Variants in PEBP4 observed in about 807,000 individuals in gnomAD.
PEBP4 encodes phosphatidylethanolamine-binding protein 4.
Under a neutral mutation model 23.9 loss-of-function variants are expected in PEBP4, and 22 were observed. The observed-to-expected ratio is 0.92, with a 90% CI of 0.66 to 1.31. PEBP4 has a LOEUF of 1.31. Ranked by LOEUF, PEBP4 falls within the 40% of genes most tolerant of loss-of-function variation. The pLI is 0.00. For synonymous variants in PEBP4, 112 were observed against 99.3 expected, an observed-to-expected ratio of 1.13 and a Z score of -0.76; for missense variants, 324 against 281.7, an observed-to-expected ratio of 1.15 and a Z score of -1.07.
intron 4 of PEBP4, among the ~76,000 whole-genome samples, chr8:22,779,848 G>A (rs767536836): frequency 6.6e-6 from 1 of 152,190 alleles, no homozygotes. Flanking sequence ...TCACATGGGC[G>A]ACTTAGCTTG....
Position 22,898,535 on chromosome 8 carries a change from T to C in PEBP4, c.258+21649A>G, listed in dbSNP as rs916500362. ...GCCAGCCATCAGTGGCTCAATCTAA[T>C]ACTCAGGTTCTCAATCAAAGTGCTC... On this transcript the variant is annotated intron_variant, in intron 3 of 6. Transcript: ENST00000256404. 2.7e-5 allele frequency among the ~76,000 whole-genome samples: 4 copies of C among 148,662 alleles called. No homozygotes were observed. In the Admixed American group the frequency reaches 2.7e-4, roughly 10 times the overall value.
At chr8:22,911,618 C>G (rs1808940173) in intron 3 of PEBP4, among the ~76,000 whole-genome samples, 1 of 152,196 alleles carries the variant, frequency 6.6e-6, no homozygotes, top group Non-Finnish European at 1.5e-5. Flanking sequence ...GGCAACAAGT[C>G]CCTGTAGCAT....
At chr8:22,754,346 A>G (rs1178302799) in intron 4 of PEBP4, among the ~76,000 whole-genome samples, 1 of 152,238 alleles carries the variant, frequency 6.6e-6, no homozygotes, top group Admixed American at 6.5e-5. Context: ...TCTGTGACTG[A>G]ATCCTCACTC....
chr8:22,858,144 A>G (rs1271702288), intron 3 of PEBP4, among the ~76,000 whole-genome samples: 1 of 152,232 alleles, frequency 6.6e-6, no homozygotes, highest in Admixed American at 6.5e-5. Flanking sequence ...GGATAGCTTC[A>G]GCAGCACCCA....
chr8:22,888,526 C>A (rs979163072), intron 3 of PEBP4, among the ~76,000 whole-genome samples: 6 of 152,146 alleles, frequency 3.9e-5, no homozygotes, highest in Non-Finnish European at 7.3e-5. Context: ...AGTGAGGTGG[C>A]CGTGGCTTCT....
chr8:22,917,365 C>A (rs1335079575), intron 3 of PEBP4, among the ~76,000 whole-genome samples: 2 of 152,190 alleles, frequency 1.3e-5, no homozygotes, highest in African/African-American at 2.4e-5. Context: ...GTCATGCCCT[C>A]TCCCTTAAGG....
intron 3 of PEBP4, among the ~76,000 whole-genome samples, chr8:22,878,579 TCCCTCTCCGGGCCTGGCA>T (rs1332332572): frequency 2.0e-5 from 3 of 152,290 alleles, no homozygotes; most frequent in Non-Finnish European, 4.4e-5. Context: ...GGGGAGGGCT[TCCCTCTCCGGGCCTGGCA>T]CCTCTGGGTT....
intron 6 of PEBP4, among the ~76,000 whole-genome samples, chr8:22,720,776 A>C (rs142936519): frequency 3.3e-5 from 5 of 152,146 alleles, no homozygotes; most frequent in African/African-American, 1.2e-4. Flanking sequence ...TGCTGTTTGA[A>C]TATCTCCCCT....
intron 3 of PEBP4, among the ~76,000 whole-genome samples, chr8:22,855,178 C>T (rs1366397756): frequency 2.0e-5 from 3 of 152,148 alleles, no homozygotes; most frequent in African/African-American, 7.2e-5. Context: ...AGATCAACTC[C>T]TCCTCTCTCT....
chr8:22,758,253 G>C (rs1193207661), intron 4 of PEBP4: 1 of 152,302 alleles, frequency 6.6e-6, no homozygotes, highest in East Asian at 1.9e-4. Context: ...CTTCCCTCCG[G>C]TGACCCTTTC....
intron 4 of PEBP4, among the ~76,000 whole-genome samples, chr8:22,784,872 C>T (rs933794508): frequency 2.6e-5 from 4 of 152,136 alleles, no homozygotes; most frequent in Non-Finnish European, 4.4e-5. Context: ...CTGTCAACAG[C>T]GACATCAGGA....
In PEBP4 at chr8:22,773,988, G is replaced by A. The variant is rs181098785; in HGVS notation, c.357+43649C>T. On this transcript the variant is annotated intron_variant, in intron 4 of 6. Transcript: ENST00000256404. ...GAGAGCCCTGGCTGTCCCACTGACA[G>A]GCTAGATGGCAAGTCCTCCAACCTC... 1.5e-4 allele frequency among the ~76,000 whole-genome samples: 23 copies of A among 152,278 alleles called. No homozygotes were observed. In the East Asian group the frequency reaches 3.7e-3, roughly 24 times the overall value.
At chr8:22,902,886 A>C (rs866265632) in intron 3 of PEBP4, among the ~76,000 whole-genome samples, 1 of 152,238 alleles carries the variant, frequency 6.6e-6, no homozygotes, top group Non-Finnish European at 1.5e-5. Context: ...CTCCAAACTC[A>C]GGGATCCCAG....
At chr8:22,725,997 A>ATG (rs1198943272) in intron 5 of PEBP4, among the ~76,000 whole-genome samples, 13 of 79,956 alleles carry the variant, frequency 1.6e-4, no homozygotes, top group East Asian at 4.6e-4. Flanking sequence ...CAGATCAGAT[A>ATG]TATGTGTGTG....
At chr8:22,878,420 A>G (rs751257912) in intron 3 of PEBP4, among the ~76,000 whole-genome samples, 43 of 152,202 alleles carry the variant, frequency 2.8e-4, no homozygotes, top group Non-Finnish European at 5.7e-4. Flanking sequence ...GAGAGGTGGC[A>G]GGACCCGGCC....
intron 4 of PEBP4, among the ~76,000 whole-genome samples, chr8:22,779,226 G>C (rs1805871378): frequency 6.6e-6 from 1 of 152,150 alleles, no homozygotes; most frequent in African/African-American, 2.4e-5. Context: ...TCCTCGTGGG[G>C]TTCAAGGTGA....
At chr8:22,770,150 A>G (rs1323750342) in intron 4 of PEBP4, among the ~76,000 whole-genome samples, 1 of 152,198 alleles carries the variant, frequency 6.6e-6, no homozygotes, top group Non-Finnish European at 1.5e-5. Flanking sequence ...TACCAGGTCT[A>G]TGGCGGGCAC....
intron 3 of PEBP4, among the ~76,000 whole-genome samples, chr8:22,839,247 C>G (rs569366811): frequency 6.6e-6 from 1 of 152,050 alleles, no homozygotes; most frequent in African/African-American, 2.4e-5. Context: ...TTGGTCATCA[C>G]GGGATTCAGC....
intron 3 of PEBP4, among the ~76,000 whole-genome samples, chr8:22,819,560 G>A (rs1042363198): frequency 2.0e-5 from 3 of 152,106 alleles, no homozygotes; most frequent in Non-Finnish European, 4.4e-5. Flanking sequence ...ACATGGAGTG[G>A]CTATAACTAA....
Sources: gnomAD v4.1 joint callset for allele counts (sites outside exome capture counted in the v4.1 genomes callset) on GRCh38, gnomAD v4.1.1 for gene constraint, MANE v1.5 for transcripts, NCBI Gene and HGNC (gene_info 2026-07-23, HGNC 2026-07-21) for gene names.